The following ASAH1 variants were observed in gnomAD, a reference collection of about 807,000 sequenced individuals.
ASAH1 encodes N-acylsphingosine amidohydrolase 1.
A neutral mutation model predicts 59.5 loss-of-function variants in ASAH1; 70 were observed. The ratio of observed to expected loss-of-function variants is 1.18; its 90% CI spans 0.97 to 1.43. The LOEUF is 1.43. Among genes scored for constraint, ASAH1 ranks in the 40% most tolerant of loss-of-function variants. The pLI, the probability that ASAH1 is intolerant of heterozygous loss-of-function variation, is 0.00. For missense variants in ASAH1, 660 were observed against 482.5 expected (o/e 1.37, Z -3.45); for synonymous variants, 213 against 166.5 (o/e 1.28, Z -2.15).
intron 12 of ASAH1, 173 bp from the exon 13 acceptor site, chr8:18,059,064 G>T (rs1405757967): frequency 4.4e-6 from 3 of 688,242 alleles, no homozygotes; most frequent in Non-Finnish European, 4.8e-6. Context: ...AGTTTTAATG[G>T]ATTACTTTCC....
Position 18,062,320 on chromosome 8 carries a change from T to C in ASAH1, c.607A>G (p.Ser203Gly). ...AACATGCCCACATAGCCAGCAAAGC[T>C]TGAAGCCTTGAAGACAGTTTTGTTG... ...RNNKTVFKAS[S>G]FAGYVGMLTG... The change falls in exon 8 of 14, where the codon AGC becomes GGC. Residue 203 changes from serine (S) to glycine (G), a missense_variant. Physicochemically the swap from Ser to Gly is moderately conservative, Grantham distance 56. Coordinates refer to ENST00000637790, the MANE Select transcript of ASAH1 (RefSeq NM_177924.5). 6.2e-7 allele frequency: 1 copy of C among 1,614,228 alleles called. No homozygotes were observed. The highest frequency in any genetic ancestry group is 8.5e-7 in the Non-Finnish European group (1 of 1,180,028).
intron 2 of ASAH1, among the ~76,000 whole-genome samples, chr8:18,072,197 T>C (rs1307476617): frequency 6.6e-6 from 1 of 152,192 alleles, no homozygotes; most frequent in African/African-American, 2.4e-5. Context: ...CAGTTAGTGG[T>C]TTATCAGTAT....
intron 1 of ASAH1, among the ~76,000 whole-genome samples, chr8:18,080,218 CA>C (rs1190125037): frequency 6.6e-6 from 1 of 152,204 alleles, no homozygotes; most frequent in Non-Finnish European, 1.5e-5. Context: ...ACAATGTTGA[CA>C]TACGCTGTTA....
At chr8:18,080,702 C>G (rs564984030) in intron 1 of ASAH1, among the ~76,000 whole-genome samples, 10 of 152,240 alleles carry the variant, frequency 6.6e-5, no homozygotes, top group Admixed American at 1.3e-4. Flanking sequence ...GGACTACAGG[C>G]GTGAGCCACT....
At chr8:18,068,865 C>A (rs954567889) in intron 4 of ASAH1, among the ~76,000 whole-genome samples, 2 of 152,190 alleles carry the variant, frequency 1.3e-5, no homozygotes, top group South Asian at 4.1e-4. Context: ...GCGGTTCACA[C>A]CTACGATCCC....
At chr8:18,082,292 A>G (rs1800685191) in intron 1 of ASAH1, among the ~76,000 whole-genome samples, 1 of 152,204 alleles carries the variant, frequency 6.6e-6, no homozygotes, top group African/African-American at 2.4e-5. Context: ...AAAGCTATTG[A>G]GAAAGAAGAA....
In ASAH1 at chr8:18,058,782, T is replaced by C. The variant is rs573339747; in HGVS notation, c.1098+53A>G. The C allele has an allele frequency of 2.3e-4, 339 of 1,472,264 alleles. 2 individuals are homozygous for C. Among genetic ancestry groups the C allele is most frequent in the African/African-American group, 4.2e-4 (30 of 71,986 alleles). The allele number at this position is 1,472,264 out of a possible 1,614,324, so 91.2% of individuals were successfully genotyped here. ...AAAGATAACAGAGAAAGATAAAACA[T>C]AGGGCCAAATTCTTTCCCTAAAAGG... On this transcript the variant is annotated intron_variant, in intron 13 of 13. Coordinates refer to ENST00000637790, the MANE Select transcript of ASAH1 (RefSeq NM_177924.5).
Position 18,059,552 on chromosome 8 carries a change from G to A in ASAH1, c.917+20C>T. ...GTATGCTTTTGTTTCTACTTCTTTT[G>A]CTTTAACAAACCTACTTACTCATAT... On this transcript the variant is annotated intron_variant, in intron 11 of 13. Coordinates refer to ENST00000637790, the MANE Select transcript of ASAH1 (RefSeq NM_177924.5). The A allele has an allele frequency of 6.2e-7, 1 of 1,614,054 alleles. No homozygotes were observed. Among genetic ancestry groups the A allele is most frequent in the Non-Finnish European group, 8.5e-7 (1 of 1,180,016 alleles).
At chr8:18,077,718 A>C (rs1800470751) in intron 1 of ASAH1, among the ~76,000 whole-genome samples, 1 of 152,216 alleles carries the variant, frequency 6.6e-6, no homozygotes, top group Admixed American at 6.5e-5. Context: ...ATCGAATACA[A>C]TTTAGGTAAT....
At chr8:18,079,867 T>C (rs1438504445) in intron 1 of ASAH1, among the ~76,000 whole-genome samples, 1 of 152,228 alleles carries the variant, frequency 6.6e-6, no homozygotes, top group Non-Finnish European at 1.5e-5. Flanking sequence ...AGAATTCACA[T>C]GAGCTTGAAA....
Position 18,071,403 on chromosome 8 carries a change from G to A in ASAH1, c.126-13C>T, listed in dbSNP as rs1182612504. 3 of 1,524,716 alleles carry A rather than the reference G, an allele frequency of 2.0e-6. No homozygotes were observed. The African/African-American group carries it at 4.1e-5, about 21-fold the overall frequency. 94.4% of individuals were successfully genotyped at this position (1,524,716 alleles called of 1,614,324 possible). On this transcript the variant is annotated splice_polypyrimidine_tract_variant and intron_variant, in intron 2 of 13. Transcript: ENST00000637790. The stretch of plus-strand genomic sequence containing the variant: ...TGCACCTCTGTACCTGTAATGAGAG[G>A]TGTATCATCTTGAAATGATGAAAGG...
chr8:18,059,394 G>C lies in ASAH1; in HGVS notation c.988C>G (p.Leu330Val), dbSNP rs775925324. The C allele has an allele frequency of 6.2e-7, 1 of 1,614,150 alleles. No homozygotes were observed. Among genetic ancestry groups the C allele is most frequent in the Non-Finnish European group, 8.5e-7 (1 of 1,180,020 alleles). ...NYDRWKHPFFLDDRRTPAKMC... is the reference protein window; with the variant it reads ...NYDRWKHPFFVDDRRTPAKMC... ...TTTGCAGGCGTTCTGCGATCATCAAGGAAGAAGGGATGTTTCCAACGGTCA... is the reference window on the plus strand; with the variant it reads ...TTTGCAGGCGTTCTGCGATCATCAACGAAGAAGGGATGTTTCCAACGGTCA... The change falls in exon 12 of 14, where the codon CTT becomes GTT. Residue 330 changes from leucine (L) to valine (V), a missense_variant. Leu to Val is a conservative substitution (Grantham distance 32). Coordinates refer to ENST00000637790, the MANE Select transcript of ASAH1 (RefSeq NM_177924.5).
At chr8:18,077,814 T>C (rs1800474092) in intron 1 of ASAH1, among the ~76,000 whole-genome samples, 6 of 152,218 alleles carry the variant, frequency 3.9e-5, no homozygotes, top group Admixed American at 3.9e-4. Flanking sequence ...TTTTACTTTG[T>C]AAAATTTGTA....
At chr8:18,058,782 T>A in intron 13 of ASAH1, 53 bp downstream of exon 13, 1 of 1,472,264 alleles carries the variant, frequency 6.8e-7, no homozygotes, top group African/African-American at 1.4e-5. Context: ...AGATAAAACA[T>A]AGGGCCAAAT....
chr8:18,083,900 C>A, intron 1 of ASAH1, 81 bp downstream of exon 1: 1 of 1,540,144 alleles, frequency 6.5e-7, no homozygotes, highest in East Asian at 2.4e-5. Context: ...TCCTTGTACC[C>A]GCTCGCGCCG....
intron 6 of ASAH1, 134 bp downstream of exon 6, chr8:18,064,323 A>G (rs1392162226): frequency 4.1e-6 from 3 of 735,920 alleles, no homozygotes; most frequent in African/African-American, 1.8e-5. Context: ...AATTTTACCA[A>G]GAAATAAAAA....
At chr8:18,080,735 T>G (rs1800618352) in intron 1 of ASAH1, among the ~76,000 whole-genome samples, 1 of 152,112 alleles carries the variant, frequency 6.6e-6, no homozygotes, top group South Asian at 2.1e-4. Context: ...TTTTTGTATT[T>G]TTAGTAGAGA....
At chr8:18,075,809 G>C in intron 1 of ASAH1, 1 of 574,446 alleles carries the variant, frequency 1.7e-6, no homozygotes, top group Non-Finnish European at 3.1e-6. Context: ...AAAAGTGCTA[G>C]GTGTTATAAT....
At chr8:18,063,611 G>A in intron 6 of ASAH1, 1 of 182,610 alleles carries the variant, frequency 5.5e-6, no homozygotes, top group South Asian at 1.1e-4. Context: ...AAGCCACTGT[G>A]CCTGGCCTCT....
Sources: gnomAD v4.1 joint callset for allele counts (sites outside exome capture counted in the v4.1 genomes callset) on GRCh38, gnomAD v4.1.1 for gene constraint, MANE v1.5 for transcripts, NCBI Gene and HGNC (gene_info 2026-07-23, HGNC 2026-07-21) for gene names.